Variants in CDH23 observed in about 807,000 individuals in gnomAD.
CDH23 encodes the protein cadherin-23.
Under a neutral mutation model 317.1 loss-of-function variants are expected in CDH23, and 189 were observed. The ratio of observed to expected loss-of-function variants is 0.60; its 90% CI spans 0.53 to 0.67. CDH23 has a LOEUF of 0.67. CDH23 is among the 30% of genes least tolerant of loss of function. The pLI is 0.00. For synonymous variants in CDH23, 1,839 were observed against 1,876.8 expected (o/e 0.98, Z 0.52); for missense variants, 4,401 against 4,592.4 (o/e 0.96, Z 1.20).
chr10:71,457,179 G>A (rs1367280721), intron 3 of CDH23, among the ~76,000 whole-genome samples: 3 of 152,182 alleles, frequency 2.0e-5, no homozygotes, highest in African/African-American at 7.2e-5. Flanking sequence ...TCACAAGAAG[G>A]CAATGGAACA....
At chr10:71,533,500 A>AT (rs762656270) in intron 6 of CDH23, among the ~76,000 whole-genome samples, 8 of 149,298 alleles carry the variant, frequency 5.4e-5, no homozygotes, top group Non-Finnish European at 1.0e-4. Context: ...AACCCACGCA[A>AT]TTGTGACCCT....
Position 71,791,283 on chromosome 10 carries a change from C to T in CDH23, c.6201C>T (p.Pro2067=), listed in dbSNP as rs1405336719. Residue 2067 remains proline (P), a synonymous_variant, in exon 47 of 70, where the codon CCC becomes CCT. Coordinates refer to ENST00000224721, the MANE Select transcript of CDH23 (RefSeq NM_022124.6). Reference sequence around the variant, plus strand: ...TCCTGGATGACAATGACAACCGGCCCACCTTTAGCCCTGCCACCCTCACTG... The same window carrying T: ...TCCTGGATGACAATGACAACCGGCCTACCTTTAGCCCTGCCACCCTCACTG... ...ITILDDNDNR[P]TFSPATLTVH... is the part of the protein sequence containing the mutation. 5.6e-6 allele frequency: 9 copies of T among 1,613,842 alleles called. No individual in the cohort carries two copies. The highest frequency in any genetic ancestry group is 5.0e-5 in the Admixed American group (3 of 59,998).
At chr10:71,676,015 T>G (rs1321164240) in intron 15 of CDH23, among the ~76,000 whole-genome samples, 2 of 143,602 alleles carry the variant, frequency 1.4e-5, no homozygotes, top group South Asian at 4.4e-4. Flanking sequence ...TCAAGCAATT[T>G]TCCTGCCTCA....
At position 71,601,961 on chromosome 10, in the gene CDH23, A is replaced by C. The variant is rs867460752; in HGVS notation, c.833-13543A>C. Among the ~76,000 whole-genome samples the C allele has an allele frequency of 3.6e-5, 5 of 140,076 alleles. No homozygotes were observed. In the South Asian group the frequency reaches 1.2e-3, roughly 34 times the overall value. The allele number at this position is 140,076 out of a possible 152,430, so 91.9% of individuals were successfully genotyped here. A position where few individuals can be genotyped will look rare whatever the true frequency, so the allele number is the denominator to read the frequency against. ...AGGGCCTGGGCTGGGTGGGCGGCGG[A>C]GGGGGGGGGGCTCTGCAGCCCCCAG... On this transcript the variant is annotated intron_variant, in intron 9 of 69. Coordinates refer to ENST00000224721, the MANE Select transcript of CDH23 (RefSeq NM_022124.6).
intron 48 of CDH23, chr10:71,795,917 C>T: frequency 1.0e-6 from 1 of 986,256 alleles, no homozygotes; most frequent in Non-Finnish European, 1.2e-6. Flanking sequence ...ATGCCCACCA[C>T]ACCCCCACCA....
In CDH23 at chr10:71,577,964, C is replaced by A; in HGVS notation, c.804C>A (p.Pro268=). The stretch of plus-strand genomic sequence containing the variant: ...CCATAGACCAGGATAAAGGACGTCC[C>A]CGGGGCATTGGCTACACCATCGTTT... The part of the protein sequence containing the change: ...ITAIDQDKGR[P]RGIGYTIVSG... The change falls in exon 9 of 70, where the codon CCC becomes CCA. Residue 268 remains proline (P), a synonymous_variant. Coordinates refer to ENST00000224721, the MANE Select transcript of CDH23 (RefSeq NM_022124.6). 6.2e-7 allele frequency: 1 copy of A among 1,604,402 alleles called. No homozygotes were observed. Among genetic ancestry groups the A allele is most frequent in the Non-Finnish European group, 8.5e-7 (1 of 1,175,648 alleles).
intron 3 of CDH23, among the ~76,000 whole-genome samples, chr10:71,453,108 C>G (rs1455331508): frequency 6.6e-6 from 1 of 152,196 alleles, no homozygotes; most frequent in African/African-American, 2.4e-5. Flanking sequence ...GCCAGAACCA[C>G]CAGCACCCCA....
chr10:71,659,482 ACT>A (rs940304506), intron 14 of CDH23, among the ~76,000 whole-genome samples: 1 of 151,926 alleles, frequency 6.6e-6, no homozygotes, highest in African/African-American at 2.4e-5. Flanking sequence ...GCTTAATCTC[ACT>A]CTGTAATCTC....
At chr10:71,405,428 CTATCT>C (rs1012176621) in intron 1 of CDH23, among the ~76,000 whole-genome samples, 6 of 146,600 alleles carry the variant, frequency 4.1e-5, no homozygotes, top group African/African-American at 1.5e-4. Context: ...CATGGGTAGA[CTATCT>C]TTTTTTTTTT....
At chr10:71,607,925 A>G (rs1860627704) in intron 9 of CDH23, among the ~76,000 whole-genome samples, 1 of 152,180 alleles carries the variant, frequency 6.6e-6, no homozygotes, top group Non-Finnish European at 1.5e-5. Context: ...AAGAAAATAA[A>G]AGAAAACAGG....
chr10:71,748,248 T>A (rs1335794148), intron 38 of CDH23: 2 of 152,400 alleles, frequency 1.3e-5, no homozygotes, highest in East Asian at 3.8e-4. Context: ...AGGCCATGTA[T>A]CAGCCCCTCT....
At position 71,807,888 on chromosome 10, in the gene CDH23, T is replaced by C; in HGVS notation, c.8603T>C (p.Val2868Ala). Residue 2868 changes from valine to alanine, a missense_variant, in exon 60 of 70, where the codon GTG (valine) becomes GCG (alanine). This residue lies in a region of CDH23 where 1,144 missense variants were observed against 1,138.2 expected (regional missense o/e 1.01). Transcript: ENST00000224721. ...AAGGTGGGCTCAGAGTTGATCCAGG[T>C]GCTGGCCCTGGATGCAGACATTGGC... ...DAKVGSELIQ[V>A]LALDADIGNN... is the part of the protein sequence containing the mutation. 1 of 1,603,962 alleles carries C rather than the reference T, an allele frequency of 6.2e-7. No homozygotes were observed. The highest frequency in any genetic ancestry group is 2.3e-5 in the East Asian group (1 of 44,394).
At chr10:71,704,683 C>T (rs1257638715) in intron 24 of CDH23, among the ~76,000 whole-genome samples, 4 of 152,184 alleles carry the variant, frequency 2.6e-5, no homozygotes, top group Admixed American at 1.3e-4. Flanking sequence ...ACCCCATCAC[C>T]GGCCTCACTT....
In CDH23 at chr10:71,815,606, A is replaced by T. The variant is rs1369554131; in HGVS notation, c.*328A>T. 3.0e-5 allele frequency: 7 copies of T among 235,954 alleles called. No individual in the cohort carries two copies. The East Asian group carries it at 5.8e-4, about 20-fold the overall frequency. 14.6% of individuals were successfully genotyped at this position (235,954 alleles called of 1,614,324 possible). On this transcript the variant is annotated 3_prime_UTR_variant, in exon 70 of 70. Transcript: ENST00000224721. ...GGCTCAGGCTGAGCTGAAAGAGGCC[A>T]AACAGGCCCTCCTCCCTCCCAGCTC...
At chr10:71,553,873 G>T (rs116113557) in intron 6 of CDH23, among the ~76,000 whole-genome samples, 3 of 152,204 alleles carry the variant, frequency 2.0e-5, no homozygotes, top group Non-Finnish European at 4.4e-5. Context: ...TGGGATGGAG[G>T]TGGGAGACAT....
rs2132967960 is a variant in CDH23, at chr10:71,799,202, G to C, written c.7146G>C (p.Arg2382=). The C allele has an allele frequency of 6.2e-7, 1 of 1,614,030 alleles. No homozygotes were observed. Among genetic ancestry groups the C allele is most frequent in the Non-Finnish European group, 8.5e-7 (1 of 1,179,884 alleles). ...VRASDNGSPP[R]AAEIPVYLEI... is the part of the protein sequence containing the mutation. ...CCTCAGACAACGGGTCCCCGCCCCG[G>C]GCAGCTGAGATCCCTGTCTACCTGG... Residue 2382 remains arginine (R), a synonymous_variant, in exon 51 of 70, where the codon CGG becomes CGC. Transcript: ENST00000224721.
intron 28 of CDH23, chr10:71,716,106 G>A (rs753593250): frequency 9.5e-5 from 146 of 1,543,888 alleles, no homozygotes; most frequent in Admixed American, 2.4e-4. Context: ...CTCCCAGGGT[G>A]GTGGGGCATG....
In CDH23 at chr10:71,790,323, G is replaced by A. The variant is rs1182394301; in HGVS notation, c.5959G>A (p.Ala1987Thr). Residue 1987 changes from alanine (A) to threonine (T), a missense_variant, in exon 46 of 70, where the codon GCC becomes ACC. Physicochemically the swap from Ala to Thr is moderately conservative, Grantham distance 58. Transcript: ENST00000224721. The stretch of plus-strand genomic sequence containing the variant: ...CACGGTGCTCAATGGGCCCATCCTG[G>A]CCCTGGATGCAGACCAAGACATCTA... The part of the protein sequence containing the change: ...PLTVLNGPIL[A>T]LDADQDIYAV... The A allele has an allele frequency of 1.3e-5, 21 of 1,613,744 alleles. No homozygotes were observed. The highest frequency in any genetic ancestry group is 1.6e-5 in the Non-Finnish European group (19 of 1,179,878).
rs115842730 is a variant in CDH23 at position 71,642,012 on chromosome 10, C to T, written c.1135-1849C>T. On this transcript the variant is annotated intron_variant, in intron 11 of 69. Transcript: ENST00000224721. ...TCGGGAGCCTGAGGTGTGAGAATCG[C>T]TTGAACCTGGGAAGTAGAGGTTGCA... Among the ~76,000 whole-genome samples the T allele has an allele frequency of 7.8e-3, 1,184 of 152,256 alleles. 15 individuals carry two copies. Among genetic ancestry groups the T allele is most frequent in the African/African-American group, 0.027 (1,121 of 41,526 alleles).
Sources: allele counts gnomAD v4.1 joint callset (sites outside exome capture counted in the v4.1 genomes callset), GRCh38; gene constraint gnomAD v4.1.1; regional missense constraint gnomAD v4.1.1; transcripts MANE v1.5; gene names NCBI Gene and HGNC (gene_info 2026-07-23, HGNC 2026-07-21).